Variants in RLIG1 observed in about 807,000 individuals in gnomAD.
RLIG1 encodes the protein RNA ligase 1.
At chr12:88,039,197 A>G in the RLIG1 span, among the ~76,000 whole-genome samples, 47 of 152,136 alleles carry the variant, frequency 3.1e-4, no homozygotes, top group Non-Finnish European at 6.5e-4. Flanking sequence ...AAAGGCAAAA[A>G]CAAAGTATGA....
chr12:88,035,601 C>T, the RLIG1 span: 8 of 1,549,072 alleles, frequency 5.2e-6, no homozygotes, highest in South Asian at 7.1e-5. Context: ...CTGGACCGGG[C>T]GCCGCTCGAA....
chr12:88,041,357 A>G, the RLIG1 span, among the ~76,000 whole-genome samples: 4 of 152,154 alleles, frequency 2.6e-5, no homozygotes, highest in South Asian at 8.3e-4. Flanking sequence ...ATTGCTGGAC[A>G]GTTGGGTTGC....
chr12:88,041,342 C>T, the RLIG1 span, among the ~76,000 whole-genome samples: 1 of 152,166 alleles, frequency 6.6e-6, no homozygotes, highest in Non-Finnish European at 1.5e-5. Context: ...TTTATCCAGT[C>T]AACCATTGCT....
chr12:88,039,636 AC>A, the RLIG1 span, among the ~76,000 whole-genome samples: 1 of 151,988 alleles, frequency 6.6e-6, no homozygotes, highest in Non-Finnish European at 1.5e-5. Flanking sequence ...TTCCCTTTCC[AC>A]CGTATCCAAA....
chr12:88,047,615 A>T, the RLIG1 span, among the ~76,000 whole-genome samples: 1 of 152,098 alleles, frequency 6.6e-6, no homozygotes, highest in Non-Finnish European at 1.5e-5. Context: ...TCATGCTTTA[A>T]CTATCATATC....
the RLIG1 span, chr12:88,035,873 T>C: frequency 6.6e-7 from 1 of 1,507,272 alleles, no homozygotes; most frequent in Non-Finnish European, 8.8e-7. Flanking sequence ...TAGGTTTCCC[T>C]GGGGAGGTCT....
At chr12:88,043,681 G>C in the RLIG1 span, 3 of 1,612,704 alleles carry the variant, frequency 1.9e-6, no homozygotes, top group African/African-American at 2.7e-5. Flanking sequence ...AAATAAATGG[G>C]AACCCAGTGC....
At chr12:88,038,636 A>T in the RLIG1 span, among the ~76,000 whole-genome samples, 1 of 152,244 alleles carries the variant, frequency 6.6e-6, no homozygotes. Context: ...TATTAATGGT[A>T]GGAAACCATC....
chr12:88,041,387 C>G, the RLIG1 span, among the ~76,000 whole-genome samples: 2 of 152,134 alleles, frequency 1.3e-5, no homozygotes, highest in Non-Finnish European at 2.9e-5. Flanking sequence ...TTGACTATTG[C>G]GAATAATGCC....
chr12:88,037,295 G>A, the RLIG1 span, among the ~76,000 whole-genome samples: 1 of 151,998 alleles, frequency 6.6e-6, no homozygotes, highest in East Asian at 1.9e-4. Context: ...AATTGTAGAG[G>A]GCCACTCAAT....
At chr12:88,040,109 A>G in the RLIG1 span, 3 of 1,101,130 alleles carry the variant, frequency 2.7e-6, no homozygotes, top group Non-Finnish European at 2.8e-6. Flanking sequence ...CATAGAGGCT[A>G]TCTATCTTAA....
chr12:88,045,623 C>T, the RLIG1 span: 1 of 1,612,548 alleles, frequency 6.2e-7, no homozygotes, highest in Non-Finnish European at 8.5e-7. Context: ...GTATTGCTGG[C>T]ATTCCTCTGT....
the RLIG1 span, among the ~76,000 whole-genome samples, chr12:88,043,284 A>G: frequency 2.0e-5 from 3 of 152,130 alleles, no homozygotes; most frequent in African/African-American, 7.2e-5. Context: ...TTGTATATCT[A>G]TGCATTCATG....
the RLIG1 span, chr12:88,035,866 G>A: frequency 2.6e-6 from 4 of 1,516,740 alleles, no homozygotes; most frequent in African/African-American, 5.5e-5. Context: ...ACCTCTGTAG[G>A]TTTCCCTGGG....
At chr12:88,048,940 TG>T in the RLIG1 span, 1 of 306,024 alleles carries the variant, frequency 3.3e-6, no homozygotes, top group African/African-American at 2.2e-5. Context: ...TAAAGCATTA[TG>T]AATGTAGAGA....
the RLIG1 span, chr12:88,035,891 G>C: frequency 9.3e-6 from 14 of 1,505,702 alleles, no homozygotes; most frequent in African/African-American, 1.4e-5. Context: ...TCTGGGGTGG[G>C]AGTTCCGTAC....
At chr12:88,035,815 GAGGGCGGCTGGGCGC>G in the RLIG1 span, 2 of 1,545,836 alleles carry the variant, frequency 1.3e-6, no homozygotes, top group Admixed American at 3.9e-5. Context: ...CGAACCCGGC[GAGGGCGGCTGGGCGC>G]TTTAGAACTG....
At chr12:88,046,029 T>G in the RLIG1 span, among the ~76,000 whole-genome samples, 4 of 152,192 alleles carry the variant, frequency 2.6e-5, no homozygotes, top group Middle Eastern at 3.2e-3. Context: ...TGAAAAGTAA[T>G]GACTCAGTTG....
the RLIG1 span, among the ~76,000 whole-genome samples, chr12:88,038,837 G>A: frequency 6.6e-6 from 1 of 152,086 alleles, no homozygotes; most frequent in Non-Finnish European, 1.5e-5. Flanking sequence ...GACAATGAAG[G>A]TATACTAATG....
Sources: gnomAD v4.1 joint callset for allele counts (sites outside exome capture counted in the v4.1 genomes callset) on GRCh38, gnomAD v4.1.1 for gene constraint, MANE v1.5 for transcripts, NCBI Gene and HGNC (gene_info 2026-07-23, HGNC 2026-07-21) for gene names.